Variants in DYTN observed in about 807,000 individuals in gnomAD.
DYTN encodes the protein dystrotelin.
DYTN carries 75 observed loss-of-function variants against 69.6 expected under a neutral mutation model. That is an observed-to-expected ratio of 1.08 (90% CI 0.89 to 1.31). DYTN has a LOEUF of 1.31. Ranked by LOEUF, DYTN falls within the 50% of genes most tolerant of loss-of-function variation. The pLI is 0.00. For synonymous variants in DYTN, 252 were observed against 249.1 expected (o/e 1.01, Z -0.11); for missense variants, 726 against 688.4 (o/e 1.05, Z -0.61).
chr2:206,692,041 G>A (rs75149340), intron 9 of DYTN, among the ~76,000 whole-genome samples: 4,934 of 152,174 alleles, frequency 0.032, 103 homozygotes, highest in Middle Eastern at 0.068. Flanking sequence ...TTGGGAGGCC[G>A]AGGTGGGAAA....
At position 206,651,696 on chromosome 2, in the gene DYTN, C is replaced by A; in HGVS notation, c.*122G>T. On this transcript the variant is annotated 3_prime_UTR_variant, in exon 12 of 12. Coordinates refer to ENST00000452335, the MANE Select transcript of DYTN (RefSeq NM_001093730.1). Reference sequence around the variant, plus strand: ...AGGGAGGGAGATCAAAAAACAAAACCTGTTTTCTTCATAGTTCACACTAAA... The same window carrying A: ...AGGGAGGGAGATCAAAAAACAAAACATGTTTTCTTCATAGTTCACACTAAA... The A allele has an allele frequency of 1.1e-6, 1 of 885,914 alleles. No individual in the cohort carries two copies. Among genetic ancestry groups the A allele is most frequent in the Non-Finnish European group, 1.7e-6 (1 of 583,264 alleles). 54.9% of individuals were successfully genotyped at this position (885,914 alleles called of 1,614,324 possible).
chr2:206,661,685 A>T (rs1210699202), intron 11 of DYTN, among the ~76,000 whole-genome samples: 1 of 152,216 alleles, frequency 6.6e-6, no homozygotes, highest in Non-Finnish European at 1.5e-5. Flanking sequence ...ATAGCAGTAT[A>T]TAATACATAT....
intron 9 of DYTN, among the ~76,000 whole-genome samples, chr2:206,683,344 T>TC (rs1391692433): frequency 5.1e-5 from 5 of 97,264 alleles, no homozygotes; most frequent in African/African-American, 2.3e-4. Context: ...TTTTTCTTTT[T>TC]TTTTTTTTTT....
chr2:206,714,441 G>C (rs1376575949), intron 1 of DYTN, among the ~76,000 whole-genome samples: 1 of 152,056 alleles, frequency 6.6e-6, no homozygotes, highest in Non-Finnish European at 1.5e-5. Flanking sequence ...TGACCTCATG[G>C]TCTGCCCGCC....
At chr2:206,715,958 C>T (rs1700125958) in intron 1 of DYTN, among the ~76,000 whole-genome samples, 1 of 151,968 alleles carries the variant, frequency 6.6e-6, no homozygotes, top group Non-Finnish European at 1.5e-5. Context: ...TGTGGTGGTG[C>T]GTGCCTGTAA....
In DYTN at chr2:206,667,026, CAG is replaced by C. The variant is rs202154440; in HGVS notation, c.981-999_981-998del. 2.1e-3 allele frequency among the ~76,000 whole-genome samples: 316 copies of C among 152,222 alleles called. 1 individual carries two copies. Among genetic ancestry groups the C allele is most frequent in the African/African-American group, 7.2e-3 (298 of 41,556 alleles). ...CACCACTGCTCTCCAGCCTGGCTGA[CAG>C]AGAGAGACCCTGTCTCTAAAAAAAT... On this transcript the variant is annotated intron_variant, in intron 9 of 11. Coordinates refer to ENST00000452335, the MANE Select transcript of DYTN (RefSeq NM_001093730.1).
chr2:206,714,865 T>C (rs1270728348), intron 1 of DYTN, among the ~76,000 whole-genome samples: 1 of 152,034 alleles, frequency 6.6e-6, no homozygotes, highest in Non-Finnish European at 1.5e-5. Flanking sequence ...ACCAGTTAGT[T>C]GTTCAAGATA....
intron 9 of DYTN, among the ~76,000 whole-genome samples, chr2:206,667,727 TG>T (rs1699589162): frequency 3.3e-5 from 5 of 151,808 alleles, no homozygotes; most frequent in African/African-American, 1.2e-4. Flanking sequence ...TGTGTGTGTG[TG>T]TGTTGACATG....
chr2:206,706,821 T>C (rs1700032261), intron 3 of DYTN, among the ~76,000 whole-genome samples: 1 of 151,174 alleles, frequency 6.6e-6, no homozygotes, highest in African/African-American at 2.4e-5. Context: ...TCAGAGCATA[T>C]GCAATCAGCC....
rs751253621 is a variant in DYTN, at chr2:206,706,877, AG to A, written c.296+424del. On this transcript the variant is annotated intron_variant, in intron 3 of 11. Transcript: ENST00000452335. ...GTTTATAGGTTACCCATCCATGCAC[AG>A]GATTTTCAACCTTATTCTAGCTAAA... 4.7e-5 allele frequency among the ~76,000 whole-genome samples: 7 copies of A among 150,424 alleles called. No homozygotes were observed. The East Asian group carries it at 7.9e-4, about 17-fold the overall frequency.
At chr2:206,674,213 G>GAA (rs34944664) in intron 9 of DYTN, among the ~76,000 whole-genome samples, 14 of 151,402 alleles carry the variant, frequency 9.2e-5, no homozygotes, top group African/African-American at 2.9e-4. Flanking sequence ...TGATCTTTAG[G>GAA]AAAAAAAATG....
At chr2:206,685,018 A>G (rs903574155) in intron 9 of DYTN, among the ~76,000 whole-genome samples, 1 of 152,158 alleles carries the variant, frequency 6.6e-6, no homozygotes, top group Admixed American at 6.5e-5. Context: ...ATTACAGATC[A>G]CCAAACACTG....
intron 9 of DYTN, among the ~76,000 whole-genome samples, chr2:206,668,049 C>T (rs568104757): frequency 4.6e-5 from 7 of 152,240 alleles, no homozygotes; most frequent in East Asian, 3.9e-4. Flanking sequence ...AATCCTTGCT[C>T]GTAATTGGAG....
intron 7 of DYTN, among the ~76,000 whole-genome samples, chr2:206,695,124 T>C (rs1699907148): frequency 6.6e-6 from 1 of 152,234 alleles, no homozygotes; most frequent in South Asian, 2.1e-4. Context: ...CGCTATGGTA[T>C]AGAAGTCTGA....
intron 7 of DYTN, among the ~76,000 whole-genome samples, chr2:206,696,365 G>T (rs749091421): frequency 3.9e-5 from 6 of 152,186 alleles, no homozygotes; most frequent in African/African-American, 1.2e-4. Context: ...GATCAAAGTC[G>T]TTTAGAGGAG....
intron 7 of DYTN, among the ~76,000 whole-genome samples, chr2:206,697,052 A>C (rs1392576560): frequency 6.6e-6 from 1 of 152,220 alleles, no homozygotes; most frequent in Non-Finnish European, 1.5e-5. Context: ...TTTTCAATGA[A>C]GTGTACAACA....
At chr2:206,706,989 T>C (rs1231981208) in intron 3 of DYTN, among the ~76,000 whole-genome samples, 1 of 151,896 alleles carries the variant, frequency 6.6e-6, no homozygotes, top group Non-Finnish European at 1.5e-5. Flanking sequence ...GCTTTTCACA[T>C]GTGTATATGG....
chr2:206,705,736 G>T, intron 4 of DYTN, 52 bp downstream of exon 4: 1 of 1,556,202 alleles, frequency 6.4e-7, no homozygotes, highest in South Asian at 1.1e-5. Context: ...TAACAGGTTG[G>T]GGATTTGGGG....
chr2:206,678,124 G>T (rs1699710287), intron 9 of DYTN, among the ~76,000 whole-genome samples: 1 of 152,258 alleles, frequency 6.6e-6, no homozygotes, highest in East Asian at 1.9e-4. Flanking sequence ...AAATACATTG[G>T]TAAATCAAAC....
Sources: allele counts gnomAD v4.1 joint callset (sites outside exome capture counted in the v4.1 genomes callset), GRCh38; gene constraint gnomAD v4.1.1; transcripts MANE v1.5; gene names NCBI Gene and HGNC (gene_info 2026-07-23, HGNC 2026-07-21).